The following MRC2 variants were observed in gnomAD, a reference collection of about 807,000 sequenced individuals.
The protein encoded by MRC2 is mannose receptor C-type 2.
MRC2 carries 84 observed loss-of-function variants against 206.2 expected under a neutral mutation model. The observed-to-expected ratio is 0.41, with a 90% CI of 0.34 to 0.49. The LOEUF is 0.49. Ranked by LOEUF, MRC2 falls within the 20% of genes least tolerant of loss-of-function variation. MRC2 has a pLI of 0.31. For synonymous variants in MRC2, 798 were observed against 800.0 expected (o/e 1.00, Z 0.04); for missense variants, 1,676 against 2,001.5 (o/e 0.84, Z 3.10).
At position 62,671,826 on chromosome 17, in the gene MRC2, A is replaced by G. The variant is rs1467847448; in HGVS notation, c.1295A>G (p.Gln432Arg). 1.9e-6 allele frequency: 3 copies of G among 1,597,520 alleles called. No homozygotes were observed. In the Admixed American group the frequency reaches 5.1e-5, roughly 27 times the overall value. Residue 432 changes from glutamine to arginine, a missense_variant, in exon 7 of 30, where the codon CAG (glutamine) becomes CGG (arginine). Coordinates refer to ENST00000303375, the MANE Select transcript of MRC2 (RefSeq NM_006039.5). The surrounding 1 kb of genome is among the most constrained non-coding windows in gnomAD (Gnocchi z 4.5). ...SMAELEFITK[Q>R]IKQEVEELWI... is the part of the protein sequence containing the mutation. ...GCGGAGCTGGAATTCATCACCAAGCAGATCAAGCAAGGTGAGGAGCTGCCC... is the reference window on the plus strand; with the variant it reads ...GCGGAGCTGGAATTCATCACCAAGCGGATCAAGCAAGGTGAGGAGCTGCCC...
intron 1 of MRC2, among the ~76,000 whole-genome samples, chr17:62,631,629 AG>A (rs1488072779): frequency 1.3e-5 from 2 of 151,756 alleles, no homozygotes; most frequent in African/African-American, 4.8e-5. Flanking sequence ...CCTGAGGAGG[AG>A]GGTGGAGCGA....
intron 20 of MRC2, among the ~76,000 whole-genome samples, chr17:62,687,367 T>C (rs1488583927): frequency 6.6e-6 from 1 of 152,046 alleles, no homozygotes; most frequent in Non-Finnish European, 1.5e-5. Context: ...TCCATGTTGG[T>C]CAGGCTGGTC....
chr17:62,682,886 C>T (rs2088986902), intron 20 of MRC2, among the ~76,000 whole-genome samples: 1 of 152,110 alleles, frequency 6.6e-6, no homozygotes, highest in Admixed American at 6.5e-5. Context: ...AGGTGATCAC[C>T]TGCCTTGGCC....
chr17:62,634,654 T>C (rs1452239338), intron 1 of MRC2, among the ~76,000 whole-genome samples: 1 of 152,024 alleles, frequency 6.6e-6, no homozygotes, highest in African/African-American at 2.4e-5. Context: ...GCTTCTATAC[T>C]GCGTGCTGTT....
Position 62,678,541 on chromosome 17 carries a change from G to A in MRC2, c.2090G>A (p.Trp697Ter), listed in dbSNP as rs2088921920. The part of the protein sequence containing the change: ...SSERLQDKKS[W>*]VQAQGACQEL... The stretch of plus-strand genomic sequence containing the variant: ...GAGCGGCTGCAGGACAAGAAGAGCT[G>A]GGTCCAGGCCCAGGGGGCCTGCCAG... The change falls in exon 13 of 30, where the codon TGG becomes TAG. Residue 697 changes from tryptophan to a stop codon, truncating the protein, a stop_gained. Coordinates refer to ENST00000303375, the MANE Select transcript of MRC2 (RefSeq NM_006039.5). LOFTEE classifies it high-confidence loss of function. 6.2e-7 allele frequency: 1 copy of A among 1,612,066 alleles called. No homozygotes were observed.
Position 62,688,889 on chromosome 17 carries a change from A to C in MRC2, c.3263A>C (p.His1088Pro). The change falls in exon 23 of 30, where the codon CAC becomes CCC. Residue 1088 changes from histidine (H) to proline (P), a missense_variant. Physicochemically the swap from His to Pro is moderately conservative, Grantham distance 77. Transcript: ENST00000303375. The part of the protein sequence containing the change: ...CAVVLHSPSA[H>P]FTGRWDDRSC... ...GTGGTCCTGCACAGCCCCTCAGCCC[A>C]CTTCACTGGCCGCTGGGACGATCGG... 6.2e-7 allele frequency: 1 copy of C among 1,613,318 alleles called. No homozygotes were observed. Among genetic ancestry groups the C allele is most frequent in the East Asian group, 2.2e-5 (1 of 44,842 alleles).
intron 28 of MRC2, 70 bp downstream of exon 28, chr17:62,691,198 G>C: frequency 1.3e-6 from 2 of 1,500,784 alleles, no homozygotes; most frequent in South Asian, 2.6e-5. Context: ...TGGGGCTGGG[G>C]GCTGCTTCAC....
In MRC2 at chr17:62,666,780, A is replaced by G; in HGVS notation, c.883A>G (p.Thr295Ala). 2.5e-6 allele frequency: 4 copies of G among 1,613,636 alleles called. No homozygotes were observed. The highest frequency in any genetic ancestry group is 3.4e-6 in the Non-Finnish European group (4 of 1,179,898). The change falls in exon 5 of 30, where the codon ACC becomes GCC. Residue 295 changes from threonine to alanine, a missense_variant. Thr to Ala is a moderately conservative substitution (Grantham distance 58). Transcript: ENST00000303375. The surrounding 1 kb of genome is among the most constrained non-coding windows in gnomAD (Gnocchi z 5.0). ...INGLLTGYSS[T>A]LWIGLNDLDT... ...AGGCCTCCTCACTGGGTACAGCTCC[A>G]CCCTGTGGATCGGCTTGAATGACTT... is the stretch of plus-strand genomic sequence containing the variant.
Position 62,666,972 on chromosome 17 carries a change from G to A in MRC2, c.973+102G>A. The A allele has an allele frequency of 2.2e-6, 2 of 921,660 alleles. No individual in the cohort carries two copies. Among genetic ancestry groups the A allele is most frequent in the Non-Finnish European group, 3.4e-6 (2 of 592,494 alleles). 57.1% of individuals were successfully genotyped at this position (921,660 alleles called of 1,614,324 possible). ...ATGTCCTCCTGCAGAGGGGCAGTGT[G>A]GGTAGGGGAAGCACCGACCTCCACC... On this transcript the variant is annotated intron_variant, in intron 5 of 29. Coordinates refer to ENST00000303375, the MANE Select transcript of MRC2 (RefSeq NM_006039.5). The surrounding 1 kb of genome is among the most constrained non-coding windows in gnomAD (Gnocchi z 5.0).
intron 1 of MRC2, among the ~76,000 whole-genome samples, chr17:62,634,311 T>G (rs573694637): frequency 9.8e-5 from 15 of 152,336 alleles, no homozygotes; most frequent in Non-Finnish European, 1.8e-4. Flanking sequence ...AAGTCATTTT[T>G]TTTTTTTGAG....
rs761306735 is a variant in MRC2 at position 62,690,336 on chromosome 17, C to T, written c.3892+31C>T. 2.5e-5 allele frequency: 40 copies of T among 1,579,758 alleles called. No individual in the cohort carries two copies. In the Middle Eastern group the frequency reaches 5.3e-4, roughly 21 times the overall value. On this transcript the variant is annotated intron_variant, in intron 26 of 29. Transcript: ENST00000303375. ...TGACCAGGCCAGAGCCCACACATGG[C>T]GGGCAGGTGGCACCTCCTCTCGTGG...
intron 6 of MRC2, among the ~76,000 whole-genome samples, chr17:62,669,170 GCT>G (rs1253346239): frequency 1.3e-5 from 2 of 151,556 alleles, no homozygotes; most frequent in Non-Finnish European, 2.9e-5. Context: ...CAAAACTTCT[GCT>G]CCTGACCATG....
chr17:62,646,360 A>C (rs1164443492), intron 1 of MRC2, among the ~76,000 whole-genome samples: 1 of 149,434 alleles, frequency 6.7e-6, no homozygotes, highest in East Asian at 2.0e-4. Context: ...GGGTCTCATT[A>C]TGTTGCCCAG....
At position 62,627,782 on chromosome 17, in the gene MRC2, C is replaced by T. The variant is rs1338427687; in HGVS notation, c.-21C>T. On this transcript the variant is annotated 5_prime_UTR_variant, in exon 1 of 30. Transcript: ENST00000303375. ...CCTGTGCGCCCTCGGTCCCCGCGTC[C>T]ACTGAGCGCCGCGCTCGGGGATGGG... 4 of 1,405,040 alleles carry T rather than the reference C, an allele frequency of 2.8e-6. No individual in the cohort carries two copies. Among genetic ancestry groups the T allele is most frequent in the Non-Finnish European group, 3.7e-6 (4 of 1,088,656 alleles). The allele number at this position is 1,405,040 out of a possible 1,614,324, so 87.0% of individuals were successfully genotyped here.
At chr17:62,661,023 C>G (rs2088673081) in intron 1 of MRC2, among the ~76,000 whole-genome samples, 1 of 152,146 alleles carries the variant, frequency 6.6e-6, no homozygotes, top group Admixed American at 6.5e-5. Context: ...CCAGGAGGAT[C>G]TCTCTAAAGA....
rs528751436 is a variant in MRC2, at chr17:62,632,924, G to T, written c.118+5004G>T. 2.6e-5 allele frequency among the ~76,000 whole-genome samples: 4 copies of T among 152,308 alleles called. No homozygotes were observed. The East Asian group carries it at 7.7e-4, about 29-fold the overall frequency. Reference sequence around the variant, plus strand: ...GTGGCCCCTTCCTCCTGTAGATGAGGCAGGAGTGTGGGCATGGCTGGCAGT... The same window carrying T: ...GTGGCCCCTTCCTCCTGTAGATGAGTCAGGAGTGTGGGCATGGCTGGCAGT... On this transcript the variant is annotated intron_variant, in intron 1 of 29. Coordinates refer to ENST00000303375, the MANE Select transcript of MRC2 (RefSeq NM_006039.5).
intron 1 of MRC2, among the ~76,000 whole-genome samples, chr17:62,638,467 T>A (rs1411296831): frequency 6.6e-6 from 1 of 151,904 alleles, no homozygotes; most frequent in East Asian, 1.9e-4. Context: ...TGGCCGGGCG[T>A]GGTGGTTCAT....
chr17:62,693,052 G>A lies in MRC2; in HGVS notation c.*601G>A, dbSNP rs1344891629. Reference sequence around the variant, plus strand: ...CTGGGGTGGCTGTGGGGCGTGGCAGGAGGGGCCTAGGTGGGTTGGGCCTGA... The same window carrying A: ...CTGGGGTGGCTGTGGGGCGTGGCAGAAGGGGCCTAGGTGGGTTGGGCCTGA... On this transcript the variant is annotated 3_prime_UTR_variant, in exon 30 of 30. Transcript: ENST00000303375. 6.5e-6 allele frequency: 1 copy of A among 154,148 alleles called. No individual in the cohort carries two copies. The highest frequency in any genetic ancestry group is 2.4e-5 in the African/African-American group (1 of 41,466). 9.5% of individuals were successfully genotyped at this position (154,148 alleles called of 1,614,324 possible). A position where few individuals can be genotyped will look rare whatever the true frequency, so the allele number is the denominator to read the frequency against.
In MRC2 at chr17:62,666,014, G is replaced by T. The variant is rs1436163097; in HGVS notation, c.521-80G>T. On this transcript the variant is annotated intron_variant, in intron 2 of 29. Transcript: ENST00000303375. The surrounding 1 kb of genome is among the most constrained non-coding windows in gnomAD (Gnocchi z 5.0). ...ACACCCAGCACTCTGGGTTTTAGGG[G>T]ATTTCTCCTGAGGGTCGAGGGGCTT... 1 of 1,439,638 alleles carries T rather than the reference G, an allele frequency of 6.9e-7. No individual in the cohort carries two copies. The highest frequency in any genetic ancestry group is 9.3e-7 in the Non-Finnish European group (1 of 1,072,298). The allele number at this position is 1,439,638 out of a possible 1,614,324, so 89.2% of individuals were successfully genotyped here.
Sources: gnomAD v4.1 joint callset for allele counts (sites outside exome capture counted in the v4.1 genomes callset) on GRCh38, gnomAD v4.1.1 for gene constraint, Gnocchi (gnomAD v3.1) non-coding constraint, MANE v1.5 for transcripts, NCBI Gene and HGNC (gene_info 2026-07-23, HGNC 2026-07-21) for gene names.